Variants in HAX1 observed in about 807,000 individuals in gnomAD.
HAX1 encodes the protein HCLS1 associated protein X-1.
HAX1 carries 27 observed loss-of-function variants against 31.1 expected under a neutral mutation model. That is an observed-to-expected ratio of 0.87 (90% CI 0.64 to 1.20). The LOEUF (loss-of-function observed/expected upper bound fraction) is 1.20, where lower values mean the gene tolerates loss of function less well. Among genes scored for constraint, HAX1 ranks in the 50% most tolerant of loss-of-function variants. The pLI is 0.00. For synonymous variants in HAX1, 114 were observed against 124.1 expected, an observed-to-expected ratio of 0.92 and a Z score of 0.54; for missense variants, 357 against 361.6, an observed-to-expected ratio of 0.99 and a Z score of 0.10.
At position 154,272,764 on chromosome 1, in the gene HAX1, C is replaced by T. The variant is rs1361148896; in HGVS notation, c.41C>T (p.Pro14Leu). 1 of 1,614,180 alleles carries T rather than the reference C, an allele frequency of 6.2e-7. No individual in the cohort carries two copies. Among genetic ancestry groups the T allele is most frequent in the Non-Finnish European group, 8.5e-7 (1 of 1,180,032 alleles). Residue 14 changes from proline to leucine, a missense_variant, in exon 1 of 7, where the codon CCT becomes CTT. Coordinates refer to ENST00000328703, the MANE Select transcript of HAX1 (RefSeq NM_006118.4). ...FDLFRGFFGF[P>L]GPRSHRDPFF... is the part of the protein sequence containing the mutation. Reference sequence around the variant, plus strand: ...CTCTTCCGGGGCTTTTTCGGCTTTCCTGGACCTCGGAGGTGAGAGTAGGTC... The same window carrying T: ...CTCTTCCGGGGCTTTTTCGGCTTTCTTGGACCTCGGAGGTGAGAGTAGGTC...
At chr1:154,273,036 A>G (rs1194593) in intron 1 of HAX1, 313,662 of 605,186 alleles carry the variant, frequency 0.52, 84,071 homozygotes, top group African/African-American at 0.66. Flanking sequence ...CTGGGGAATA[A>G]GACAGTGAGC....
At chr1:154,273,031 G>A in intron 1 of HAX1, 1 of 608,638 alleles carries the variant, frequency 1.6e-6, no homozygotes, top group South Asian at 2.0e-5. Context: ...AGGGTCTGGG[G>A]AATAAGACAG....
rs371500123 is a variant in HAX1 at position 154,274,166 on chromosome 1, G to A, written c.504+205G>A. 2.0e-5 allele frequency among the ~76,000 whole-genome samples: 3 copies of A among 152,086 alleles called. No individual in the cohort carries two copies. The South Asian group carries it at 6.2e-4, about 32-fold the overall frequency. ...CTACTAAAAATACAAAAAATTAGCC[G>A]GGCATGGTGGCAGGTGCCTGTAATG... is the stretch of plus-strand genomic sequence containing the variant. On this transcript the variant is annotated intron_variant, in intron 3 of 6. Coordinates refer to ENST00000328703, the MANE Select transcript of HAX1 (RefSeq NM_006118.4).
intron 1 of HAX1, chr1:154,273,002 C>T: frequency 1.6e-6 from 1 of 618,266 alleles, no homozygotes. Context: ...CAACAGGGAC[C>T]CGGGCGGGGA....
At chr1:154,274,828 T>C in intron 3 of HAX1, 122 bp from the exon 4 acceptor site, 1 of 743,172 alleles carries the variant, frequency 1.3e-6, no homozygotes, top group Non-Finnish European at 2.5e-6. Context: ...ATAAGGCTAT[T>C]CTGAATGGAA....
At chr1:154,274,841 A>C (rs753180714) in intron 3 of HAX1, 109 bp from the exon 4 acceptor site, 1 of 768,066 alleles carries the variant, frequency 1.3e-6, no homozygotes, top group Non-Finnish European at 2.3e-6. Flanking sequence ...GAATGGAATT[A>C]TCTCTTCTGT....
chr1:154,272,764 C>G lies in HAX1; in HGVS notation c.41C>G (p.Pro14Arg). 6.2e-7 allele frequency: 1 copy of G among 1,614,180 alleles called. No homozygotes were observed. The highest frequency in any genetic ancestry group is 1.1e-5 in the South Asian group (1 of 91,060). The change falls in exon 1 of 7, where the codon CCT becomes CGT. Residue 14 changes from proline (P) to arginine (R), a missense_variant. Transcript: ENST00000328703. ...FDLFRGFFGF[P>R]GPRSHRDPFF... Reference sequence around the variant, plus strand: ...CTCTTCCGGGGCTTTTTCGGCTTTCCTGGACCTCGGAGGTGAGAGTAGGTC... The same window carrying G: ...CTCTTCCGGGGCTTTTTCGGCTTTCGTGGACCTCGGAGGTGAGAGTAGGTC...
At chr1:154,273,661 G>T (rs758969838) in intron 2 of HAX1, 63 bp downstream of exon 2, 21 of 1,597,268 alleles carry the variant, frequency 1.3e-5, no homozygotes, top group Non-Finnish European at 1.7e-5. Flanking sequence ...GAAATAAAGA[G>T]CCTGCAGGGA....
chr1:154,275,190 C>G lies in HAX1; in HGVS notation c.593C>G (p.Pro198Arg). ...DSQVSQEGLG[P>R]VLQPQPKSYF... ...CAGGTTTCCCAGGAGGGTCTTGGCC[C>G]GGTTCTACAGCCCCAGCCCAAATCC... The change falls in exon 5 of 7, where the codon CCG becomes CGG. Residue 198 changes from proline to arginine, a missense_variant. By Grantham distance (103) the Pro-to-Arg change is moderately radical. Transcript: ENST00000328703. 1 of 1,613,220 alleles carries G rather than the reference C, an allele frequency of 6.2e-7. No individual in the cohort carries two copies. The highest frequency in any genetic ancestry group is 8.5e-7 in the Non-Finnish European group (1 of 1,179,226).
chr1:154,274,808 G>A (rs1425735695), intron 3 of HAX1, 142 bp from the exon 4 acceptor site: 30 of 717,488 alleles, frequency 4.2e-5, no homozygotes, highest in Middle Eastern at 3.6e-4. Flanking sequence ...AGCCAGGAAG[G>A]AGTGTGTAAA....
chr1:154,275,300 G>A (rs768728912), intron 5 of HAX1, 40 bp downstream of exon 5: 1 of 1,552,836 alleles, frequency 6.4e-7, no homozygotes, highest in Admixed American at 1.7e-5. Flanking sequence ...TATGGCCAGG[G>A]AACGAATGCC....
chr1:154,273,308 T>C (rs775346780), intron 1 of HAX1, 28 bp from the exon 2 acceptor site: 9 of 1,613,546 alleles, frequency 5.6e-6, no homozygotes, highest in Non-Finnish European at 7.6e-6. Context: ...TGCTGAAATA[T>C]TGGTGGCCAA....
At position 154,274,930 on chromosome 1, in the gene HAX1, T is replaced by TA; in HGVS notation, c.505-19dup. 1 of 1,594,814 alleles carries TA rather than the reference T, an allele frequency of 6.3e-7. No individual in the cohort carries two copies. The highest frequency in any genetic ancestry group is 8.6e-7 in the Non-Finnish European group (1 of 1,162,482). ...TCAGATTGGAAGGAGTCTTTTCACT[T>TA]ACTATGGTTTCTTCTGCAGTTTGAT... On this transcript the variant is annotated intron_variant, in intron 3 of 6. Coordinates refer to ENST00000328703, the MANE Select transcript of HAX1 (RefSeq NM_006118.4).
At position 154,275,656 on chromosome 1, in the gene HAX1, T is replaced by C. The variant is rs886038568; in HGVS notation, c.795T>C (p.Phe265=). ...SPRPPALDDA[F]SILDLFLGRW... is the part of the protein sequence containing the mutation. ...GACCTCCAGCCCTGGATGATGCCTT[T>C]TCCATCCTGGACTTATTCCTGGGAC... Residue 265 remains phenylalanine, a synonymous_variant, in exon 7 of 7, where the codon TTT becomes TTC. Transcript: ENST00000328703. 8.7e-6 allele frequency: 14 copies of C among 1,613,976 alleles called. No homozygotes were observed. Among genetic ancestry groups the C allele is most frequent in the Non-Finnish European group, 1.2e-5 (14 of 1,179,960 alleles).
chr1:154,274,259 ATTGT>A (rs769866428), intron 3 of HAX1, among the ~76,000 whole-genome samples: 22 of 152,030 alleles, frequency 1.4e-4, no homozygotes, highest in South Asian at 1.2e-3. Flanking sequence ...CATCTCAAAA[ATTGT>A]TTGAGACCCA....
intron 4 of HAX1, 28 bp downstream of exon 4, chr1:154,275,029 C>A: frequency 6.3e-7 from 1 of 1,585,156 alleles, no homozygotes; most frequent in Non-Finnish European, 8.7e-7. Context: ...GGAAGTTTAC[C>A]AGCCTTTTGT....
At chr1:154,273,154 A>T in intron 1 of HAX1, 182 bp from the exon 2 acceptor site, 1 of 469,892 alleles carries the variant, frequency 2.1e-6, no homozygotes, top group Non-Finnish European at 3.6e-6. Context: ...TTTGATTAAA[A>T]AAAAAAAAAA....
At position 154,273,413 on chromosome 1, in the gene HAX1, G is replaced by C; in HGVS notation, c.131G>C (p.Trp44Ser). The C allele has an allele frequency of 6.2e-7, 1 of 1,614,148 alleles. No individual in the cohort carries two copies. The highest frequency in any genetic ancestry group is 8.5e-7 in the Non-Finnish European group (1 of 1,180,012). Residue 44 changes from tryptophan (W) to serine (S), a missense_variant, in exon 2 of 7, where the codon TGG (tryptophan) becomes TCG (serine). Trp to Ser is a radical substitution (Grantham distance 177, BLOSUM62 -3). Transcript: ENST00000328703. ...GAAGAAGAAGAAGAAGGGGGCTCAT[G>C]GGGCCGTGGGAACCCAAGGTTCCAT... is the stretch of plus-strand genomic sequence containing the variant. ...DEEEEEEGGSWGRGNPRFHSP... is the reference protein window; with the variant it reads ...DEEEEEEGGSSGRGNPRFHSP...
rs1398995334 is a variant in HAX1 at position 154,273,924 on chromosome 1, C to A, written c.467C>A (p.Pro156Gln). Residue 156 changes from proline (P) to glutamine (Q), a missense_variant, in exon 3 of 7, where the codon CCA (proline) becomes CAA (glutamine). Physicochemically the swap from Pro to Gln is moderately conservative, Grantham distance 76. Transcript: ENST00000328703. Reference protein sequence around the residue: ...ESDARSESPQPAPDWGSQRPF... With the variant: ...ESDARSESPQQAPDWGSQRPF... ...GATGCAAGAAGTGAATCCCCCCAACCAGCACCAGACTGGGGCTCCCAGAGG... is the reference window on the plus strand; with the variant it reads ...GATGCAAGAAGTGAATCCCCCCAACAAGCACCAGACTGGGGCTCCCAGAGG... 1.2e-6 allele frequency: 2 copies of A among 1,614,128 alleles called. No individual in the cohort carries two copies. Among genetic ancestry groups the A allele is most frequent in the Non-Finnish European group, 1.7e-6 (2 of 1,180,026 alleles).
Sources: gnomAD v4.1 joint callset for allele counts (sites outside exome capture counted in the v4.1 genomes callset) on GRCh38, gnomAD v4.1.1 for gene constraint, MANE v1.5 for transcripts, NCBI Gene and HGNC (gene_info 2026-07-23, HGNC 2026-07-21) for gene names.